The following CYP51A1 variants were observed in gnomAD, a reference collection of about 807,000 sequenced individuals.
The protein encoded by CYP51A1 is cytochrome P450 family 51 subfamily A member 1.
CYP51A1 carries 45 observed loss-of-function variants against 53.5 expected under a neutral mutation model. That is an observed-to-expected ratio of 0.84 (90% CI 0.66 to 1.08). CYP51A1 has a LOEUF of 1.08. Among genes scored for constraint, CYP51A1 ranks in the 50% least tolerant of loss-of-function variants. The pLI, the probability that CYP51A1 is intolerant of heterozygous loss-of-function variation, is 0.00. For synonymous variants in CYP51A1, 181 were observed against 217.7 expected, an observed-to-expected ratio of 0.83 and a Z score of 1.48; for missense variants, 462 against 621.7, an observed-to-expected ratio of 0.74 and a Z score of 2.73.
In CYP51A1 at chr7:92,124,042, T is replaced by C. The variant is rs150493739; in HGVS notation, c.771-189A>G. On this transcript the variant is annotated intron_variant, in intron 5 of 9. Transcript: ENST00000003100. ...CATGAAAATCTTACATTGTTAAAAA[T>C]GTCCATAGTCCCTAAGGGCAAGAAC... Among the ~76,000 whole-genome samples, 551 of 152,296 alleles carry C rather than the reference T, an allele frequency of 3.6e-3. 5 individuals carry two copies. Among genetic ancestry groups the C allele is most frequent in the African/African-American group, 0.013 (526 of 41,562 alleles).
intron 9 of CYP51A1, among the ~76,000 whole-genome samples, chr7:92,116,513 T>C (rs1026737880): frequency 3.2e-4 from 48 of 152,318 alleles, no homozygotes; most frequent in African/African-American, 1.0e-3. Context: ...AACAAGGGTA[T>C]AGCTAAATTA....
chr7:92,125,283 G>C (rs1819777238), intron 5 of CYP51A1, among the ~76,000 whole-genome samples: 1 of 151,926 alleles, frequency 6.6e-6, no homozygotes, highest in African/African-American at 2.4e-5. Flanking sequence ...GGTATGATGA[G>C]TTCCAGAGAA....
At chr7:92,132,765 T>C (rs1819949608) in intron 1 of CYP51A1, among the ~76,000 whole-genome samples, 1 of 152,230 alleles carries the variant, frequency 6.6e-6, no homozygotes, top group Non-Finnish European at 1.5e-5. Context: ...TTTAGAGTTT[T>C]TAAGAGAGTA....
At chr7:92,133,675 G>A (rs1312728815) in intron 1 of CYP51A1, among the ~76,000 whole-genome samples, 1 of 152,154 alleles carries the variant, frequency 6.6e-6, no homozygotes, top group African/African-American at 2.4e-5. Context: ...ACCACCATTA[G>A]GGGCACTGCT....
chr7:92,114,485 G>A (rs1819541037), intron 9 of CYP51A1, among the ~76,000 whole-genome samples: 1 of 152,106 alleles, frequency 6.6e-6, no homozygotes, highest in Non-Finnish European at 1.5e-5. Context: ...AGAGCAGAGA[G>A]CCCAGAACAG....
In CYP51A1 at chr7:92,128,869, G is replaced by A; in HGVS notation, c.468+11C>T. On this transcript the variant is annotated intron_variant, in intron 3 of 9. Transcript: ENST00000003100. ...AGATTTGTCTTTATTTATGGTAACAGTGTCACCTACTGGATTAGGCACATC... is the reference window on the plus strand; with the variant it reads ...AGATTTGTCTTTATTTATGGTAACAATGTCACCTACTGGATTAGGCACATC... 1 of 1,606,206 alleles carries A rather than the reference G, an allele frequency of 6.2e-7. No individual in the cohort carries two copies. The highest frequency in any genetic ancestry group is 8.5e-7 in the Non-Finnish European group (1 of 1,176,268).
chr7:92,127,335 T>G (rs1159516284), intron 4 of CYP51A1, among the ~76,000 whole-genome samples, 170 bp downstream of exon 4: 2 of 152,226 alleles, frequency 1.3e-5, no homozygotes, highest in Non-Finnish European at 2.9e-5. Context: ...GTATAAAAAC[T>G]GGATTCTCAG....
chr7:92,113,686 A>G lies in CYP51A1; in HGVS notation c.1509T>C (p.Arg503=), dbSNP rs1442111280. Residue 503 remains arginine (R), a synonymous_variant, in exon 10 of 10, where the codon CGT becomes CGC. Coordinates refer to ENST00000003100, the MANE Select transcript of CYP51A1 (RefSeq NM_000786.4). The stretch of plus-strand genomic sequence containing the variant: ...TTTTTCATTTTGATCTTCGTTTGTA[A>G]CGGATAACTGGGTTTTCAGGGGTGT... ...MIHTPENPVI[R]YKRRSK 3 of 1,611,604 alleles carry G rather than the reference A, an allele frequency of 1.9e-6. No individual in the cohort carries two copies. The highest frequency in any genetic ancestry group is 2.2e-5 in the East Asian group (1 of 44,792).
At chr7:92,116,270 CA>C (rs879390505) in intron 9 of CYP51A1, among the ~76,000 whole-genome samples, 150 of 147,608 alleles carry the variant, frequency 1.0e-3, no homozygotes, top group Non-Finnish European at 1.7e-3. Flanking sequence ...AAGACTCTCT[CA>C]AAAAAAAAAC....
At position 92,134,326 on chromosome 7, in the gene CYP51A1, C is replaced by G. The variant is rs1347362588; in HGVS notation, c.39G>C (p.Leu13=). 1.9e-6 allele frequency: 3 copies of G among 1,596,396 alleles called. No homozygotes were observed. The highest frequency in any genetic ancestry group is 2.6e-6 in the Non-Finnish European group (3 of 1,168,754). Residue 13 remains leucine, a synonymous_variant, in exon 1 of 10, where the codon CTG becomes CTC. Coordinates refer to ENST00000003100, the MANE Select transcript of CYP51A1 (RefSeq NM_000786.4). ...AAAGMLLLGL[L]QAGGSVLGQA... is the part of the protein sequence containing the mutation. ...GGCCCAGCACCGACCCACCCGCCTG[C>G]AGCAAGCCCAGCAGCAGCATCCCAG...
Position 92,134,320 on chromosome 7 carries a change from C to T in CYP51A1, c.45G>A (p.Ala15=), listed in dbSNP as rs1485581753. The part of the protein sequence containing the change: ...AGMLLLGLLQ[A]GGSVLGQAME... The stretch of plus-strand genomic sequence containing the variant: ...TCGCCTGGCCCAGCACCGACCCACC[C>T]GCCTGCAGCAAGCCCAGCAGCAGCA... The change falls in exon 1 of 10, where the codon GCG becomes GCA. Residue 15 remains alanine (A), a synonymous_variant. Coordinates refer to ENST00000003100, the MANE Select transcript of CYP51A1 (RefSeq NM_000786.4). The T allele has an allele frequency of 1.3e-6, 2 of 1,598,082 alleles. No homozygotes were observed. The highest frequency in any genetic ancestry group is 2.7e-5 in the African/African-American group (2 of 74,138).
At chr7:92,123,028 G>A in intron 7 of CYP51A1, 92 bp downstream of exon 7, 1 of 935,740 alleles carries the variant, frequency 1.1e-6, no homozygotes, top group African/African-American at 1.7e-5. Flanking sequence ...TTAAGCTATA[G>A]TATATAGAAA....
intron 7 of CYP51A1, among the ~76,000 whole-genome samples, chr7:92,122,360 T>C (rs961768042): frequency 2.6e-5 from 4 of 151,474 alleles, no homozygotes; most frequent in Non-Finnish European, 5.9e-5. Context: ...ATGAGATGAG[T>C]ATGATCCTGA....
At chr7:92,126,738 GGTTA>G (rs1819809386) in intron 4 of CYP51A1, among the ~76,000 whole-genome samples, 1 of 152,104 alleles carries the variant, frequency 6.6e-6, no homozygotes, top group Admixed American at 6.5e-5. Context: ...GCAGAAAAAA[GGTTA>G]TTTATAGTGC....
intron 7 of CYP51A1, 77 bp downstream of exon 7, chr7:92,123,043 C>A: frequency 8.7e-7 from 1 of 1,151,230 alleles, no homozygotes; most frequent in South Asian, 1.5e-5. Context: ...TAGAAAATCT[C>A]AAATTGTCCC....
At chr7:92,123,450 A>C in intron 6 of CYP51A1, 135 bp from the exon 7 acceptor site, 2 of 853,234 alleles carry the variant, frequency 2.3e-6, no homozygotes, top group Admixed American at 5.7e-5. Context: ...ACAAGTCAAG[A>C]GTTTTTTTTC....
rs1819510362 is a variant in CYP51A1, at chr7:92,113,489, C to T, written c.*176G>A. ...TAACTATTAGAAAATGTTTCAAATG[C>T]TATTATATTTGATAGAACCATTCAG... On this transcript the variant is annotated 3_prime_UTR_variant, in exon 10 of 10. Coordinates refer to ENST00000003100, the MANE Select transcript of CYP51A1 (RefSeq NM_000786.4). 1.8e-6 allele frequency: 1 copy of T among 569,666 alleles called. No individual in the cohort carries two copies. The highest frequency in any genetic ancestry group is 2.5e-5 in the South Asian group (1 of 39,946). 35.3% of individuals were successfully genotyped at this position (569,666 alleles called of 1,614,324 possible). A position where few individuals can be genotyped will look rare whatever the true frequency, so the allele number is the denominator to read the frequency against.
chr7:92,131,159 A>G (rs558183856), intron 2 of CYP51A1, among the ~76,000 whole-genome samples: 2 of 152,232 alleles, frequency 1.3e-5, no homozygotes, highest in African/African-American at 4.8e-5. Context: ...GCAAGATCCA[A>G]TGAGGTCAAA....
In CYP51A1 at chr7:92,113,134, A is replaced by C. The variant is rs1819490744; in HGVS notation, c.*531T>G. On this transcript the variant is annotated 3_prime_UTR_variant, in exon 10 of 10. Coordinates refer to ENST00000003100, the MANE Select transcript of CYP51A1 (RefSeq NM_000786.4). ...TTTTCCTATAATATCTCCATTTCTG[A>C]GTATCATCATACCAAAACAATTAGT... The C allele has an allele frequency of 6.6e-6, 1 of 152,194 alleles. No homozygotes were observed. Among genetic ancestry groups the C allele is most frequent in the Non-Finnish European group, 1.5e-5 (1 of 68,102 alleles). The allele number at this position is 152,194 out of a possible 1,614,324, so 9.4% of individuals were successfully genotyped here. A position where few individuals can be genotyped will look rare whatever the true frequency, so the allele number is the denominator to read the frequency against.
Sources: allele counts gnomAD v4.1 joint callset (sites outside exome capture counted in the v4.1 genomes callset), GRCh38; gene constraint gnomAD v4.1.1; transcripts MANE v1.5; gene names NCBI Gene and HGNC (gene_info 2026-07-23, HGNC 2026-07-21).